BBS9: variants seen among roughly 807,000 people sequenced by gnomAD.
The protein encoded by BBS9 is Bardet-Biedl syndrome 9, also known as protein PTHB1.
A neutral mutation model predicts 117.7 loss-of-function variants in BBS9; 89 were observed. The observed-to-expected ratio is 0.76, with a 90% confidence interval of 0.64 to 0.90. BBS9 has a LOEUF of 0.90. Among genes scored for constraint, BBS9 ranks in the 40% least tolerant of loss-of-function variants. BBS9 has a pLI of 0.00. For synonymous variants in BBS9, 379 were observed against 370.9 expected (o/e 1.02, Z -0.25); for missense variants, 982 against 1,042.2 (o/e 0.94, Z 0.80).
intron 21 of BBS9, among the ~76,000 whole-genome samples, chr7:33,615,779 G>A (rs1562533486): frequency 1.3e-5 from 2 of 152,004 alleles, no homozygotes; most frequent in Non-Finnish European, 2.9e-5. Flanking sequence ...GTTTCAAACT[G>A]CAGAAAATCA....
At chr7:33,342,596 C>T (rs939691323) in intron 11 of BBS9, among the ~76,000 whole-genome samples, 1 of 152,100 alleles carries the variant, frequency 6.6e-6, no homozygotes, top group Non-Finnish European at 1.5e-5. Flanking sequence ...CTCTTTCCAG[C>T]TTCATTTTCC....
At chr7:33,165,894 A>G (rs966195946) in intron 4 of BBS9, among the ~76,000 whole-genome samples, 10 of 152,222 alleles carry the variant, frequency 6.6e-5, no homozygotes, top group African/African-American at 2.2e-4. Context: ...AGGAGCTGCA[A>G]TCCTTTGGAG....
chr7:33,384,770 C>T (rs1431755146), intron 18 of BBS9, among the ~76,000 whole-genome samples: 1 of 151,366 alleles, frequency 6.6e-6, no homozygotes, highest in Non-Finnish European at 1.5e-5. Flanking sequence ...TTTCAGCCAA[C>T]CATTGAACAT....
Position 33,339,582 on chromosome 7 carries a change from G to A in BBS9, c.1199-1315G>A, listed in dbSNP as rs538991095. 7.9e-5 allele frequency among the ~76,000 whole-genome samples: 12 copies of A among 152,264 alleles called. 1 individual carries two copies. The South Asian group carries it at 2.5e-3, about 32-fold the overall frequency. ...ATATTTTCAGTCAGCCATCCTCAGA[G>A]TGTGGGGAATGTTTCCTCTCAGGGT... On this transcript the variant is annotated intron_variant, in intron 10 of 22. Transcript: ENST00000242067.
intron 5 of BBS9, among the ~76,000 whole-genome samples, chr7:33,180,160 C>T (rs1408583073): frequency 1.3e-5 from 2 of 152,102 alleles, no homozygotes; most frequent in African/African-American, 2.4e-5. Context: ...CTGGCTCATA[C>T]CCCTGTTCTC....
At chr7:33,137,655 C>T (rs1188788634) in intron 1 of BBS9, among the ~76,000 whole-genome samples, 3 of 152,226 alleles carry the variant, frequency 2.0e-5, no homozygotes, top group Admixed American at 2.0e-4. Context: ...TGCTCCTTCT[C>T]TGCTTCTACC....
intron 4 of BBS9, among the ~76,000 whole-genome samples, chr7:33,167,679 A>G (rs1301869145): frequency 6.6e-6 from 1 of 152,110 alleles, no homozygotes; most frequent in Non-Finnish European, 1.5e-5. Context: ...GAGTACAAGC[A>G]TGAGCCACCA....
chr7:33,149,860 G>C (rs1022157515), intron 2 of BBS9, among the ~76,000 whole-genome samples: 3 of 152,156 alleles, frequency 2.0e-5, no homozygotes, highest in African/African-American at 7.2e-5. Flanking sequence ...TGTGGACTTG[G>C]CCATCCTGAC....
intron 2 of BBS9, among the ~76,000 whole-genome samples, chr7:33,151,850 CTTTTTTTTTTTTT>C (rs11346140): frequency 3.6e-5 from 3 of 82,352 alleles, no homozygotes; most frequent in African/African-American, 9.0e-5. Context: ...TGCACCCAGC[CTTTTTTTTTTTTT>C]TTTTTTTTTT....
chr7:33,202,804 T>TG (rs1336196957), intron 5 of BBS9, among the ~76,000 whole-genome samples: 5 of 152,070 alleles, frequency 3.3e-5, no homozygotes, highest in African/African-American at 9.7e-5. Context: ...AGATTTGTGG[T>TG]GGGGGGGAAC....
chr7:33,175,591 A>C (rs1797229082), intron 4 of BBS9, among the ~76,000 whole-genome samples: 1 of 152,210 alleles, frequency 6.6e-6, no homozygotes, highest in Admixed American at 6.5e-5. Flanking sequence ...AGTGAGGTAC[A>C]GAAACAGCTT....
intron 5 of BBS9, among the ~76,000 whole-genome samples, chr7:33,220,984 C>T (rs1370073755): frequency 1.3e-5 from 2 of 152,082 alleles, no homozygotes; most frequent in East Asian, 1.9e-4. Context: ...AAATCTAAAG[C>T]GTTTGTTAGA....
At chr7:33,136,440 T>C (rs1241458366) in intron 1 of BBS9, among the ~76,000 whole-genome samples, 1 of 152,210 alleles carries the variant, frequency 6.6e-6, no homozygotes, top group Non-Finnish European at 1.5e-5. Flanking sequence ...GTGCCTGATC[T>C]TAGGAGGAAA....
intron 19 of BBS9, among the ~76,000 whole-genome samples, chr7:33,464,087 T>C (rs1839849866): frequency 6.6e-6 from 1 of 152,084 alleles, no homozygotes; most frequent in Non-Finnish European, 1.5e-5. Context: ...TATATCCAAA[T>C]TTGTGTAATG....
chr7:33,573,606 A>C (rs879312899), intron 21 of BBS9, among the ~76,000 whole-genome samples: 1 of 152,116 alleles, frequency 6.6e-6, no homozygotes, highest in African/African-American at 2.4e-5. Flanking sequence ...GCTGTAATTT[A>C]TTACTTTGTG....
At chr7:33,494,171 G>A (rs1844409809) in intron 19 of BBS9, among the ~76,000 whole-genome samples, 1 of 152,106 alleles carries the variant, frequency 6.6e-6, no homozygotes, top group Admixed American at 6.5e-5. Flanking sequence ...GACAATGTCC[G>A]GAGACATTTT....
At chr7:33,140,595 T>C (rs978417103) in intron 1 of BBS9, among the ~76,000 whole-genome samples, 2 of 152,184 alleles carry the variant, frequency 1.3e-5, no homozygotes, top group African/African-American at 2.4e-5. Context: ...TCCAGTAATA[T>C]GGCATATTAC....
chr7:33,504,967 A>T (rs1396138103), intron 19 of BBS9, among the ~76,000 whole-genome samples: 1 of 152,146 alleles, frequency 6.6e-6, no homozygotes, highest in Admixed American at 6.5e-5. Context: ...ATAATAAAGA[A>T]ATATTAGATA....
intron 4 of BBS9, among the ~76,000 whole-genome samples, chr7:33,169,771 C>T (rs1286741837): frequency 2.0e-5 from 3 of 151,660 alleles, no homozygotes; most frequent in South Asian, 2.1e-4. Context: ...TGCCTGTTCA[C>T]TCTGATGGTA....
Sources: gnomAD v4.1 joint callset for allele counts (sites outside exome capture counted in the v4.1 genomes callset) on GRCh38, gnomAD v4.1.1 for gene constraint, MANE v1.5 for transcripts, NCBI Gene and HGNC (gene_info 2026-07-23, HGNC 2026-07-21) for gene names.